Variants in PEAR1 observed in about 807,000 individuals in gnomAD.
PEAR1 encodes platelet endothelial aggregation receptor 1.
Under a neutral mutation model 131.2 loss-of-function variants are expected in PEAR1, and 113 were observed. The ratio of observed to expected loss-of-function variants is 0.86; its 90% confidence interval spans 0.74 to 1.01. The LOEUF (loss-of-function observed/expected upper bound fraction) is 1.01. Among genes scored for constraint, PEAR1 ranks in the 50% least tolerant of loss-of-function variants. The pLI is 0.00. For synonymous variants in PEAR1, 565 were observed against 523.3 expected (o/e 1.08, Z -1.09); for missense variants, 1,408 against 1,391.1 (o/e 1.01, Z -0.19).
chr1:156,914,435 A>G (rs1489224485), intron 22 of PEAR1, among the ~76,000 whole-genome samples: 2 of 152,160 alleles, frequency 1.3e-5, no homozygotes, highest in Non-Finnish European at 2.9e-5. Flanking sequence ...GGGCGGGCTG[A>G]GGTGGCTTTC....
chr1:156,899,284 T>A (rs1365759939), intron 1 of PEAR1, among the ~76,000 whole-genome samples: 3 of 148,520 alleles, frequency 2.0e-5, no homozygotes, highest in African/African-American at 7.5e-5. Context: ...GAGAGGGAGA[T>A]GGAGAAGAGA....
chr1:156,906,382 G>T lies in PEAR1; in HGVS notation c.400+14G>T. The T allele has an allele frequency of 1.2e-6, 2 of 1,612,770 alleles. No individual in the cohort carries two copies. The highest frequency in any genetic ancestry group is 2.2e-5 in the South Asian group (2 of 91,036). ...ACTGTTCCAGTGGTGAGTGGCTACT[G>T]ACCCCAGGGAGTGGCCTCTTGTGCC... On this transcript the variant is annotated intron_variant, in intron 5 of 22. Transcript: ENST00000292357.
At chr1:156,913,065 A>G in intron 18 of PEAR1, 83 bp downstream of exon 18, 1 of 1,578,544 alleles carries the variant, frequency 6.3e-7, no homozygotes, top group Non-Finnish European at 8.7e-7. Flanking sequence ...CCCAAAGGGA[A>G]GATGAGGAGT....
chr1:156,905,711 T>C (rs1340430872), intron 4 of PEAR1, among the ~76,000 whole-genome samples: 1 of 152,072 alleles, frequency 6.6e-6, no homozygotes, highest in African/African-American at 2.4e-5. Flanking sequence ...CTAGAGCTCT[T>C]GTTCTGTCTT....
chr1:156,908,878 G>T lies in PEAR1; in HGVS notation c.1291-38G>T, dbSNP rs199856465. On this transcript the variant is annotated intron_variant, in intron 10 of 22. Coordinates refer to ENST00000292357, the MANE Select transcript of PEAR1 (RefSeq NM_001080471.3). The surrounding 1 kb of genome is among the most constrained non-coding windows in gnomAD (Gnocchi z 4.2). ...AAGCGAGGCAGGTGGAGAGGCCAAGGAATGGGCCGCCCCTCTCACCCGCTC... is the reference window on the plus strand; with the variant it reads ...AAGCGAGGCAGGTGGAGAGGCCAAGTAATGGGCCGCCCCTCTCACCCGCTC... 153 of 1,609,288 alleles carry T rather than the reference G, an allele frequency of 9.5e-5. No homozygotes were observed. Among genetic ancestry groups the T allele is most frequent in the Non-Finnish European group, 1.2e-4 (139 of 1,179,272 alleles).
rs1213968272 is a variant in PEAR1 at position 156,910,682 on chromosome 1, C to T, written c.1890C>T (p.Cys630=). ...GCAAGTGCGCTAACCACTCCTTCTG[C>T]CACCCCTCGAACGGGACCTGCTACT... ...VPCKCANHSF[C]HPSNGTCYCL... Residue 630 remains cysteine, a synonymous_variant, in exon 15 of 23, where the codon TGC becomes TGT. Transcript: ENST00000292357. 6.2e-7 allele frequency: 1 copy of T among 1,614,068 alleles called. No individual in the cohort carries two copies. Among genetic ancestry groups the T allele is most frequent in the Non-Finnish European group, 8.5e-7 (1 of 1,180,012 alleles).
rs1389396250 is a variant in PEAR1 at position 156,914,105 on chromosome 1, G to A, written c.2962+5G>A. ...AGCCCAGCCCCCTGATCCATGGTGA[G>A]CCCTCCCTCTCCACTGGCAGGAGCA... On this transcript the variant is annotated splice_donor_5th_base_variant and intron_variant, in intron 22 of 22. Transcript: ENST00000292357. 1.0e-5 allele frequency: 16 copies of A among 1,583,104 alleles called. No homozygotes were observed. The highest frequency in any genetic ancestry group is 1.4e-5 in the Non-Finnish European group (16 of 1,163,630).
At chr1:156,898,040 A>G (rs1280151692) in intron 1 of PEAR1, among the ~76,000 whole-genome samples, 7 of 151,380 alleles carry the variant, frequency 4.6e-5, no homozygotes, top group African/African-American at 9.7e-5. Flanking sequence ...CCCAGGGTTT[A>G]CCTCCCCACA....
At chr1:156,909,092 G>A in intron 11 of PEAR1, 56 bp downstream of exon 11, 3 of 1,608,192 alleles carry the variant, frequency 1.9e-6, no homozygotes, top group South Asian at 1.1e-5. Context: ...AGGGAAGAAG[G>A]GAGAGTCCAA....
intron 1 of PEAR1, among the ~76,000 whole-genome samples, chr1:156,901,575 C>T (rs2102974185): frequency 6.6e-6 from 1 of 152,328 alleles, no homozygotes; most frequent in African/African-American, 2.4e-5. Flanking sequence ...CTGGGGAGTC[C>T]TTGTGTGTCT....
chr1:156,905,270 G>A (rs1650144093), intron 3 of PEAR1, 54 bp from the exon 4 acceptor site: 4 of 1,558,338 alleles, frequency 2.6e-6, no homozygotes, highest in Non-Finnish European at 2.6e-6. Context: ...TGGCCACACT[G>A]TGGTGAGTGC....
chr1:156,906,852 T>G lies in PEAR1; in HGVS notation c.616T>G (p.Phe206Val), dbSNP rs1212863897. ...APCDPQTGAC[F>V]CPAERTGPSC... ...CTGCGATCCCCAGACTGGAGCCTGC[T>G]TCTGCCCCGCAGAGAGAACTGGGCC... is the stretch of plus-strand genomic sequence containing the variant. Residue 206 changes from phenylalanine to valine, a missense_variant, in exon 6 of 23, where the codon TTC becomes GTC. Coordinates refer to ENST00000292357, the MANE Select transcript of PEAR1 (RefSeq NM_001080471.3). 39 of 1,614,128 alleles carry G rather than the reference T, an allele frequency of 2.4e-5. No homozygotes were observed. Among genetic ancestry groups the G allele is most frequent in the Non-Finnish European group, 3.0e-5 (35 of 1,180,014 alleles).
In PEAR1 at chr1:156,905,330, A is replaced by C; in HGVS notation, c.213A>C (p.Val71=). Residue 71 remains valine (V), a synonymous_variant, in exon 4 of 23, where the codon GTA becomes GTC. Coordinates refer to ENST00000292357, the MANE Select transcript of PEAR1 (RefSeq NM_001080471.3). ...GCCTTCCTGGCCTCCGCAGGGTTGT[A>C]TACCGGACCGTGTACCGTCAGGTGG... ...GPHTCPQPTV[V]YRTVYRQVVK... is the part of the protein sequence containing the mutation. The C allele has an allele frequency of 6.2e-7, 1 of 1,611,810 alleles. No individual in the cohort carries two copies. The highest frequency in any genetic ancestry group is 8.5e-7 in the Non-Finnish European group (1 of 1,179,640).
At position 156,912,921 on chromosome 1, in the gene PEAR1, C is replaced by T. The variant is rs1283184334; in HGVS notation, c.2361C>T (p.His787=). The change falls in exon 18 of 23, where the codon CAC becomes CAT. Residue 787 remains histidine, a synonymous_variant. Coordinates refer to ENST00000292357, the MANE Select transcript of PEAR1 (RefSeq NM_001080471.3). ...GGCACTGGCAAAAAGGCAAGGAGCA[C>T]CACCACCTGGCTGTGGCTTACAGCA... is the stretch of plus-strand genomic sequence containing the variant. ...GYRHWQKGKE[H]HHLAVAYSSG... The T allele has an allele frequency of 1.2e-6, 2 of 1,614,232 alleles. No homozygotes were observed. The highest frequency in any genetic ancestry group is 8.5e-7 in the Non-Finnish European group (1 of 1,180,036).
Position 156,914,000 on chromosome 1 carries a change from C to A in PEAR1, c.2862C>A (p.Pro954=). The A allele has an allele frequency of 6.2e-7, 1 of 1,612,982 alleles. No individual in the cohort carries two copies. The highest frequency in any genetic ancestry group is 2.2e-5 in the East Asian group (1 of 44,816). ...MEMKGPPSGS[P]PRQPPQFWDS... is the part of the protein sequence containing the mutation. ...TGAAAGGCCCTCCCTCAGGATCTCC[C>A]CCCAGGCAGCCTCCTCAGTTCTGGG... The change falls in exon 22 of 23, where the codon CCC becomes CCA. Residue 954 remains proline (P), a synonymous_variant. Transcript: ENST00000292357.
Position 156,910,068 on chromosome 1 carries a change from C to T in PEAR1, c.1638C>T (p.Asp546=), listed in dbSNP as rs780708758. The T allele has an allele frequency of 6.2e-7, 1 of 1,614,176 alleles. No homozygotes were observed. The highest frequency in any genetic ancestry group is 1.3e-5 in the African/African-American group (1 of 75,070). ...RCDCDHSDGC[D]PVHGRCQCQA... is the part of the protein sequence containing the mutation. ...ACTGTGACCACTCTGATGGCTGTGA[C>T]CCTGTTCATGGACGCTGTCAGTGCC... Residue 546 remains aspartate (D), a synonymous_variant, in exon 13 of 23, where the codon GAC becomes GAT. Transcript: ENST00000292357.
chr1:156,899,425 G>A (rs1006399109), intron 1 of PEAR1, among the ~76,000 whole-genome samples: 1 of 152,130 alleles, frequency 6.6e-6, no homozygotes, highest in Admixed American at 6.5e-5. Flanking sequence ...GCAGCCCATC[G>A]TTTTGGGGGA....
rs752184137 is a variant in PEAR1, at chr1:156,908,197, C to G, written c.972C>G (p.Asp324Glu). ...CTGAGACGTGCGACTGCGCCCCGGACGCCCGTTGCTTCCCGGCCAACGGCG... is the reference window on the plus strand; with the variant it reads ...CTGAGACGTGCGACTGCGCCCCGGAGGCCCGTTGCTTCCCGGCCAACGGCG... ...DCAETCDCAPDARCFPANGAC... is the reference protein window; with the variant it reads ...DCAETCDCAPEARCFPANGAC... Residue 324 changes from aspartate to glutamate, a missense_variant, in exon 9 of 23, where the codon GAC (aspartate) becomes GAG (glutamate). Physicochemically the swap from Asp to Glu is conservative, Grantham distance 45. Coordinates refer to ENST00000292357, the MANE Select transcript of PEAR1 (RefSeq NM_001080471.3). The surrounding 1 kb of genome is among the most constrained non-coding windows in gnomAD (Gnocchi z 4.2). The G allele has an allele frequency of 6.2e-7, 1 of 1,603,270 alleles. No individual in the cohort carries two copies. Among genetic ancestry groups the G allele is most frequent in the Admixed American group, 1.7e-5 (1 of 59,792 alleles).
rs1353483826 is a variant in PEAR1, at chr1:156,913,919, C to A, written c.2781C>A (p.Thr927=). The A allele has an allele frequency of 6.2e-7, 1 of 1,613,914 alleles. No individual in the cohort carries two copies. The change falls in exon 22 of 23, where the codon ACC becomes ACA. Residue 927 remains threonine (T), a synonymous_variant. Transcript: ENST00000292357. ...TGAGCAGTGAGAACCCATATGCCAC[C>A]ATCCGGGACCTGCCCAGCTTGCCAG... ...ASLSSENPYA[T]IRDLPSLPGG...
Sources: gnomAD v4.1 joint callset for allele counts (sites outside exome capture counted in the v4.1 genomes callset) on GRCh38, gnomAD v4.1.1 for gene constraint, Gnocchi (gnomAD v3.1) non-coding constraint, MANE v1.5 for transcripts, NCBI Gene and HGNC (gene_info 2026-07-23, HGNC 2026-07-21) for gene names.